Variants in EPB41L4A observed in about 807,000 individuals in gnomAD.
EPB41L4A encodes the protein band 4.1-like protein 4A.
A neutral mutation model predicts 108.6 loss-of-function variants in EPB41L4A; 100 were observed. That is an observed-to-expected ratio of 0.92 (90% CI 0.78 to 1.09). The LOEUF is 1.09. EPB41L4A is among the 50% of genes least tolerant of loss of function. The probability of loss-of-function intolerance (pLI) is 0.00; values close to 1 mark genes in which losing one functional copy is unlikely to be tolerated. For synonymous variants in EPB41L4A, 319 were observed against 289.0 expected (o/e 1.10, Z -1.05); for missense variants, 1,030 against 842.7 (o/e 1.22, Z -2.75).
chr5:112,224,108 C>A (rs971318993), intron 12 of EPB41L4A, among the ~76,000 whole-genome samples: 9 of 152,066 alleles, frequency 5.9e-5, no homozygotes, highest in African/African-American at 1.2e-4. Context: ...CCTGCCACTG[C>A]GTCCGGCTAA....
chr5:112,225,608 T>C (rs1477137636), intron 12 of EPB41L4A, among the ~76,000 whole-genome samples: 1 of 152,182 alleles, frequency 6.6e-6, no homozygotes. Context: ...TCAGAAACGC[T>C]TCCCAAAGGC....
At chr5:112,369,930 A>G (rs1010804302) in intron 1 of EPB41L4A, among the ~76,000 whole-genome samples, 1 of 150,728 alleles carries the variant, frequency 6.6e-6, no homozygotes, top group African/African-American at 2.5e-5. Context: ...GTAGGTCTGA[A>G]GAACTGTTTC....
At chr5:112,237,196 T>C (rs1749406236) in intron 11 of EPB41L4A, among the ~76,000 whole-genome samples, 3 of 152,246 alleles carry the variant, frequency 2.0e-5, no homozygotes, top group Admixed American at 1.3e-4. Flanking sequence ...CAAAGATTTC[T>C]ATTTCAGATT....
intron 1 of EPB41L4A, among the ~76,000 whole-genome samples, chr5:112,358,309 T>G (rs1032705097): frequency 6.6e-6 from 1 of 152,258 alleles, no homozygotes; most frequent in Non-Finnish European, 1.5e-5. Context: ...TCCATGTTTT[T>G]CAGGGATTGG....
At chr5:112,266,878 T>C (rs563576884) in intron 4 of EPB41L4A, among the ~76,000 whole-genome samples, 1 of 152,362 alleles carries the variant, frequency 6.6e-6, no homozygotes, top group African/African-American at 2.4e-5. Context: ...CACTACACGG[T>C]AACTCATTCT....
intron 13 of EPB41L4A, chr5:112,143,997 G>A: frequency 6.0e-6 from 2 of 334,524 alleles, no homozygotes; most frequent in Non-Finnish European, 1.2e-5. Flanking sequence ...TATTATCACT[G>A]GACTGGATCT....
At chr5:112,157,532 G>A (rs1180172953) in intron 12 of EPB41L4A, among the ~76,000 whole-genome samples, 1 of 152,126 alleles carries the variant, frequency 6.6e-6, no homozygotes, top group African/African-American at 2.4e-5. Flanking sequence ...CTCCTTTGCT[G>A]TCAGCTGAGG....
At chr5:112,319,869 G>A (rs1352141826) in intron 1 of EPB41L4A, among the ~76,000 whole-genome samples, 3 of 152,142 alleles carry the variant, frequency 2.0e-5, no homozygotes, top group Non-Finnish European at 4.4e-5. Flanking sequence ...TGATGTACTA[G>A]AGGATCCTTT....
chr5:112,190,032 G>A (rs1044046983), intron 17 of EPB41L4A, among the ~76,000 whole-genome samples: 7 of 152,158 alleles, frequency 4.6e-5, no homozygotes, highest in African/African-American at 1.7e-4. Flanking sequence ...TAAGCGAGCT[G>A]CTGGCCCTTC....
chr5:112,362,400 C>G (rs775666808), intron 1 of EPB41L4A, among the ~76,000 whole-genome samples: 3 of 151,946 alleles, frequency 2.0e-5, no homozygotes, highest in Non-Finnish European at 4.4e-5. Flanking sequence ...CCTGCCTCAG[C>G]CTCCCGAGTA....
intron 9 of EPB41L4A, among the ~76,000 whole-genome samples, chr5:112,242,606 C>T (rs555052538): frequency 1.3e-5 from 2 of 152,314 alleles, no homozygotes; most frequent in East Asian, 3.9e-4. Context: ...CATAAATTAT[C>T]TTAGGGGCAT....
chr5:112,193,981 G>T (rs527453816), intron 17 of EPB41L4A, among the ~76,000 whole-genome samples: 1 of 152,302 alleles, frequency 6.6e-6, no homozygotes, highest in South Asian at 2.1e-4. Flanking sequence ...TTGTTTTCGA[G>T]TGCATATTTT....
chr5:112,208,685 G>C (rs892762792), intron 13 of EPB41L4A, among the ~76,000 whole-genome samples: 2 of 152,180 alleles, frequency 1.3e-5, no homozygotes, highest in African/African-American at 2.4e-5. Flanking sequence ...ATTTACCCAT[G>C]TGACAAACCT....
rs116349158 is a variant in EPB41L4A, at chr5:112,362,156, G to A, written c.100-54666C>T. On this transcript the variant is annotated intron_variant, in intron 1 of 22. Coordinates refer to ENST00000261486, the MANE Select transcript of EPB41L4A (RefSeq NM_022140.5). ...TCTGTCACCCAGGCTGGAGTGCAGT[G>A]GTACAAGTACAACCATAGCTCACAG... 3.9e-3 allele frequency among the ~76,000 whole-genome samples: 596 copies of A among 152,164 alleles called. 10 individuals carry two copies. Among genetic ancestry groups the A allele is most frequent in the Non-Finnish European group, 2.6e-3 (179 of 67,988 alleles).
At chr5:112,308,614 CAAA>C (rs1186466581) in intron 1 of EPB41L4A, among the ~76,000 whole-genome samples, 1 of 152,100 alleles carries the variant, frequency 6.6e-6, no homozygotes, top group African/African-American at 2.4e-5. Flanking sequence ...AATTTATAAA[CAAA>C]AAGCCCTTCC....
intron 1 of EPB41L4A, among the ~76,000 whole-genome samples, chr5:112,313,796 G>GTATACTATATT (rs1259543693): frequency 6.8e-6 from 1 of 146,106 alleles, no homozygotes; most frequent in Non-Finnish European, 1.5e-5. Flanking sequence ...CTGTTAATTT[G>GTATACTATATT]TATACTATAT....
At position 112,279,320 on chromosome 5, in the gene EPB41L4A, C is replaced by T. The variant is rs533813563; in HGVS notation, c.256+952G>A. On this transcript the variant is annotated intron_variant, in intron 3 of 22. Coordinates refer to ENST00000261486, the MANE Select transcript of EPB41L4A (RefSeq NM_022140.5). ...TCCTGCCCTTGGATCCATGGAGCAT[C>T]GCACAACCAATACTATCACAGGAAA... Among the ~76,000 whole-genome samples the T allele has an allele frequency of 2.0e-5, 3 of 152,176 alleles. No homozygotes were observed. The East Asian group carries it at 5.8e-4, about 29-fold the overall frequency.
chr5:112,277,834 A>G (rs989274147), intron 3 of EPB41L4A, among the ~76,000 whole-genome samples: 3 of 152,242 alleles, frequency 2.0e-5, no homozygotes, highest in Non-Finnish European at 4.4e-5. Flanking sequence ...TGACTACAAA[A>G]AAGTAAGGTG....
intron 6 of EPB41L4A, 108 bp from the exon 7 acceptor site, chr5:112,262,689 A>T: frequency 1.1e-6 from 1 of 911,668 alleles, no homozygotes; most frequent in Non-Finnish European, 1.7e-6. Flanking sequence ...AATACTTTTT[A>T]CTAATGCAAA....
Sources: gnomAD v4.1 joint callset for allele counts (sites outside exome capture counted in the v4.1 genomes callset) on GRCh38, gnomAD v4.1.1 for gene constraint, MANE v1.5 for transcripts, NCBI Gene and HGNC (gene_info 2026-07-23, HGNC 2026-07-21) for gene names.